The following ALK variants were observed in gnomAD, a reference collection of about 807,000 sequenced individuals.
ALK encodes ALK tyrosine kinase receptor.
Under a neutral mutation model 163.1 loss-of-function variants are expected in ALK, and 74 were observed. The observed-to-expected ratio is 0.45, with a 90% CI of 0.38 to 0.55. The LOEUF (loss-of-function observed/expected upper bound fraction) is 0.55. Among genes scored for constraint, ALK ranks in the 20% least tolerant of loss-of-function variants. The pLI, the probability that ALK is intolerant of heterozygous loss-of-function variation, is 0.00. For synonymous variants in ALK, 960 were observed against 843.2 expected, an observed-to-expected ratio of 1.14 and a Z score of -2.40; for missense variants, 2,063 against 2,105.3, an observed-to-expected ratio of 0.98 and a Z score of 0.39.
chr2:29,460,042 A>G (rs913145302), intron 4 of ALK, among the ~76,000 whole-genome samples: 2 of 152,138 alleles, frequency 1.3e-5, no homozygotes, highest in African/African-American at 4.8e-5. Context: ...ACTCATTGCA[A>G]ATCTTGACCC....
rs1284840983 is a variant in ALK, at chr2:29,713,220, T to C, written c.787+4358A>G. Among the ~76,000 whole-genome samples, 3 of 152,330 alleles carry C rather than the reference T, an allele frequency of 2.0e-5. No individual in the cohort carries two copies. The East Asian group carries it at 5.8e-4, about 29-fold the overall frequency. ...TCTCTTCTTATAAGGACACCAATCA[T>C]ATTGGATTAAGGCCCATCCTAATCC... On this transcript the variant is annotated intron_variant, in intron 2 of 28. Transcript: ENST00000389048.
chr2:29,223,311 T>C (rs2148170505), intron 20 of ALK, 31 bp downstream of exon 20: 1 of 1,612,798 alleles, frequency 6.2e-7, no homozygotes, highest in Non-Finnish European at 8.5e-7. Flanking sequence ...ACTGCACCCC[T>C]CTCCTCCCAG....
At chr2:29,853,600 C>A (rs1478327383) in intron 1 of ALK, among the ~76,000 whole-genome samples, 1 of 152,226 alleles carries the variant, frequency 6.6e-6, no homozygotes, top group Non-Finnish European at 1.5e-5. Flanking sequence ...CTCTCCCTAC[C>A]TACCACTCTC....
intron 1 of ALK, among the ~76,000 whole-genome samples, chr2:29,835,827 C>CA (rs1665543273): frequency 6.6e-6 from 1 of 152,198 alleles, no homozygotes; most frequent in Non-Finnish European, 1.5e-5. Flanking sequence ...CCATGTAAGA[C>CA]AAGCCTCACC....
Position 29,867,308 on chromosome 2 carries a change from T to C in ALK, c.667+52685A>G, listed in dbSNP as rs115432914. Among the ~76,000 whole-genome samples, 1,493 of 152,268 alleles carry C rather than the reference T, an allele frequency of 9.8e-3. 25 individuals are homozygous for C. Among genetic ancestry groups the C allele is most frequent in the African/African-American group, 0.035 (1,433 of 41,536 alleles). ...CAAAAAACAAAAAACATTAAGAGAT[T>C]GTCTAAATGTTCTCCAGGGCGAAGG... On this transcript the variant is annotated intron_variant, in intron 1 of 28. Coordinates refer to ENST00000389048, the MANE Select transcript of ALK (RefSeq NM_004304.5).
At chr2:29,483,960 G>T (rs549211839) in intron 4 of ALK, among the ~76,000 whole-genome samples, 31 of 152,308 alleles carry the variant, frequency 2.0e-4, no homozygotes, top group African/African-American at 6.5e-4. Context: ...CAATCACGGC[G>T]GAAGGCGAAG....
chr2:29,856,452 T>C (rs898790273), intron 1 of ALK, among the ~76,000 whole-genome samples: 2 of 152,244 alleles, frequency 1.3e-5, no homozygotes, highest in African/African-American at 4.8e-5. Flanking sequence ...AAACACGACC[T>C]CAGTCATTTC....
intron 5 of ALK, among the ~76,000 whole-genome samples, chr2:29,342,040 G>A (rs1667808317): frequency 6.6e-6 from 1 of 152,110 alleles, no homozygotes; most frequent in South Asian, 2.1e-4. Context: ...ACTATGTATT[G>A]GGCATTTTTT....
At chr2:29,570,763 G>C (rs901433106) in intron 3 of ALK, among the ~76,000 whole-genome samples, 1 of 152,176 alleles carries the variant, frequency 6.6e-6, no homozygotes, top group Admixed American at 6.5e-5. Context: ...AGGGTTCCCT[G>C]GCAGAGGGCT....
rs572608429 is a variant in ALK, at chr2:29,720,900, C to T, written c.668-3203G>A. 2.6e-5 allele frequency among the ~76,000 whole-genome samples: 4 copies of T among 152,184 alleles called. 1 individual carries two copies. The South Asian group carries it at 8.3e-4, about 32-fold the overall frequency. On this transcript the variant is annotated intron_variant, in intron 1 of 28. Transcript: ENST00000389048. ...GGATCCAGAGTGAAATGGGCCTCAT[C>T]AATGCAGATATATGGGTGAAGGTAT...
At chr2:29,283,584 G>C (rs1446577451) in intron 9 of ALK, among the ~76,000 whole-genome samples, 2 of 152,058 alleles carry the variant, frequency 1.3e-5, no homozygotes, top group African/African-American at 4.8e-5. Flanking sequence ...GAGTAAATTA[G>C]AAGTCTTTTC....
chr2:29,722,521 G>A (rs146208487), intron 1 of ALK, among the ~76,000 whole-genome samples: 89 of 152,286 alleles, frequency 5.8e-4, no homozygotes, highest in Non-Finnish European at 3.1e-4. Flanking sequence ...CTCCTTGCCC[G>A]ACATGTAAGT....
At chr2:29,727,441 G>C (rs541277894) in intron 1 of ALK, among the ~76,000 whole-genome samples, 1 of 152,352 alleles carries the variant, frequency 6.6e-6, no homozygotes, top group African/African-American at 2.4e-5. Context: ...TGATGTGCTA[G>C]AGAACTGTGT....
Position 29,228,918 on chromosome 2 carries a change from CCCCCCTCCA to C in ALK, c.2772_2780del (p.Gly925_Gly927del). ...CTCCGCCTCCTCCACCTGAGGAGCA[CCCCCCTCCA>C]CCCCCTCCGAAACCCCCTCTTGTCT... is the stretch of plus-strand genomic sequence containing the variant. On this transcript the variant is annotated inframe_deletion, in exon 16 of 29. Coordinates refer to ENST00000389048, the MANE Select transcript of ALK (RefSeq NM_004304.5). 1 of 1,457,914 alleles carries C rather than the reference CCCCCCTCCA, an allele frequency of 6.9e-7. No homozygotes were observed. Among genetic ancestry groups the C allele is most frequent in the Non-Finnish European group, 9.6e-7 (1 of 1,041,798 alleles). The allele number at this position is 1,457,914 out of a possible 1,614,324, so 90.3% of individuals were successfully genotyped here. A position where few individuals can be genotyped will look rare whatever the true frequency, so the allele number is the denominator to read the frequency against.
rs183543786 is a variant in ALK, at chr2:29,717,840, C to A, written c.668-143G>T. 1.4e-3 allele frequency: 1,443 copies of A among 1,040,910 alleles called. 2 individuals carry two copies. The highest frequency in any genetic ancestry group is 2.0e-3 in the Non-Finnish European group (1,330 of 676,268). The allele number at this position is 1,040,910 out of a possible 1,614,324, so 64.5% of individuals were successfully genotyped here. On this transcript the variant is annotated intron_variant, in intron 1 of 28. Transcript: ENST00000389048. ...GATGAGGGGGAAAAAATTGAGCCAC[C>A]AGTAGACTGAGTTGACCTCAGGACC... is the stretch of plus-strand genomic sequence containing the variant.
Position 29,247,600 on chromosome 2 carries a change from G to C in ALK, c.2204+3505C>G, listed in dbSNP as rs138423249. Among the ~76,000 whole-genome samples the C allele has an allele frequency of 1.9e-3, 285 of 152,358 alleles. 1 individual carries two copies. Among genetic ancestry groups the C allele is most frequent in the African/African-American group, 6.8e-3 (283 of 41,590 alleles). ...CTTTGTGGAGGTGGGCAAAGCTGTAGAGGGTGGGAGGTGGGCCCAGGATAA... is the reference window on the plus strand; with the variant it reads ...CTTTGTGGAGGTGGGCAAAGCTGTACAGGGTGGGAGGTGGGCCCAGGATAA... On this transcript the variant is annotated intron_variant, in intron 12 of 28. Coordinates refer to ENST00000389048, the MANE Select transcript of ALK (RefSeq NM_004304.5).
intron 1 of ALK, among the ~76,000 whole-genome samples, chr2:29,873,143 G>A (rs969795257): frequency 2.0e-5 from 3 of 152,206 alleles, no homozygotes; most frequent in Non-Finnish European, 4.4e-5. Flanking sequence ...ACCACTGACA[G>A]ATGTTTTATC....
At chr2:29,298,899 C>G (rs1203916869) in intron 8 of ALK, among the ~76,000 whole-genome samples, 1 of 152,202 alleles carries the variant, frequency 6.6e-6, no homozygotes, top group Non-Finnish European at 1.5e-5. Context: ...CTCCTTTCCC[C>G]AGCATCTCAG....
At chr2:29,549,146 ACACACACACACACACG>A (rs1262025055) in intron 3 of ALK, among the ~76,000 whole-genome samples, 1 of 151,562 alleles carries the variant, frequency 6.6e-6, no homozygotes. Context: ...GTACACACAC[ACACACACACACACACG>A]CACACACACA....
Sources: gnomAD v4.1 joint callset for allele counts (sites outside exome capture counted in the v4.1 genomes callset) on GRCh38, gnomAD v4.1.1 for gene constraint, MANE v1.5 for transcripts, NCBI Gene and HGNC (gene_info 2026-07-23, HGNC 2026-07-21) for gene names.